Variants in CPT1A observed in about 807,000 individuals in gnomAD.
CPT1A encodes carnitine palmitoyltransferase 1A, also known as carnitine O-palmitoyltransferase 1, liver isoform.
A neutral mutation model predicts 100.8 loss-of-function variants in CPT1A; 64 were observed. The ratio of observed to expected loss-of-function variants is 0.63; its 90% confidence interval spans 0.52 to 0.78. The LOEUF (loss-of-function observed/expected upper bound fraction) is 0.78. Among genes scored for constraint, CPT1A ranks in the 30% least tolerant of loss-of-function variants. The pLI is 0.00. For missense variants in CPT1A, 802 were observed against 1,034.1 expected (o/e 0.78, Z 3.08); for synonymous variants, 363 against 396.0 (o/e 0.92, Z 0.99).
intron 1 of CPT1A, among the ~76,000 whole-genome samples, chr11:68,835,337 A>G (rs1372724052): frequency 6.6e-6 from 1 of 152,180 alleles, no homozygotes; most frequent in Non-Finnish European, 1.5e-5. Flanking sequence ...TCGTACCAGT[A>G]TATTGTTCCC....
chr11:68,777,396 C>T (rs1443461614), intron 12 of CPT1A, among the ~76,000 whole-genome samples: 1 of 152,064 alleles, frequency 6.6e-6, no homozygotes, highest in Non-Finnish European at 1.5e-5. Context: ...CACCACTGCC[C>T]TCCAGCCTGG....
chr11:68,812,203 G>A (rs1330189557), intron 3 of CPT1A, among the ~76,000 whole-genome samples: 1 of 152,146 alleles, frequency 6.6e-6, no homozygotes, highest in Non-Finnish European at 1.5e-5. Context: ...GGTGCCCCAG[G>A]GCCACTACCA....
At chr11:68,839,220 A>G (rs1017266879) in intron 1 of CPT1A, among the ~76,000 whole-genome samples, 1 of 152,244 alleles carries the variant, frequency 6.6e-6, no homozygotes, top group Non-Finnish European at 1.5e-5. Context: ...TGGCCCGCGC[A>G]GGCTCCGGTT....
Position 68,804,961 on chromosome 11 carries a change from C to A in CPT1A, c.454-860G>T, listed in dbSNP as rs1002089993. Among the ~76,000 whole-genome samples the A allele has an allele frequency of 7.9e-5, 12 of 152,342 alleles. 1 individual carries two copies. Among genetic ancestry groups the A allele is most frequent in the Admixed American group, 7.2e-4 (11 of 15,308 alleles). On this transcript the variant is annotated intron_variant, in intron 4 of 18. Coordinates refer to ENST00000265641, the MANE Select transcript of CPT1A (RefSeq NM_001876.4). ...AACCAAAACAAAGGCAGTCCTTGGG[C>A]CCAGGCGGGGAGTCTTGGTACTGCA...
intron 1 of CPT1A, among the ~76,000 whole-genome samples, chr11:68,825,151 G>A (rs1294384840): frequency 2.0e-5 from 3 of 152,148 alleles, no homozygotes; most frequent in Non-Finnish European, 4.4e-5. Flanking sequence ...AAAATGGAGG[G>A]ACGGGTAGGA....
At chr11:68,817,359 G>T (rs1856457419) in intron 1 of CPT1A, among the ~76,000 whole-genome samples, 1 of 152,152 alleles carries the variant, frequency 6.6e-6, no homozygotes, top group Non-Finnish European at 1.5e-5. Context: ...GCAGGCCCTA[G>T]AAAGGCACCC....
At chr11:68,784,378 T>C (rs1566357083) in intron 10 of CPT1A, among the ~76,000 whole-genome samples, 1 of 152,062 alleles carries the variant, frequency 6.6e-6, no homozygotes, top group Non-Finnish European at 1.5e-5. Flanking sequence ...CTGGCCAACA[T>C]GGTGAAACCC....
At chr11:68,759,738 GCAA>G in intron 17 of CPT1A, 77 bp from the exon 18 acceptor site, 1 of 1,080,940 alleles carries the variant, frequency 9.3e-7, no homozygotes, top group Non-Finnish European at 1.4e-6. Context: ...TGTTCTAAAT[GCAA>G]CACTGGCGGG....
intron 14 of CPT1A, among the ~76,000 whole-genome samples, chr11:68,769,980 C>T (rs1338286109): frequency 1.3e-5 from 2 of 151,264 alleles, no homozygotes; most frequent in South Asian, 2.1e-4. Context: ...ACCTGGGAGC[C>T]GAGTGAGCAG....
intron 1 of CPT1A, among the ~76,000 whole-genome samples, chr11:68,815,747 CCT>C: frequency 6.6e-6 from 1 of 152,118 alleles, no homozygotes; most frequent in African/African-American, 2.4e-5. Context: ...CAACCCTGGC[CCT>C]GGACATTCCC....
At chr11:68,796,707 C>T (rs1855762528) in intron 7 of CPT1A, 149 bp downstream of exon 7, 1 of 760,380 alleles carries the variant, frequency 1.3e-6, no homozygotes, top group South Asian at 1.6e-5. Flanking sequence ...TCATAGGGTT[C>T]TCCGGCCTGG....
At chr11:68,839,410 T>TCAG (rs1312029451) in intron 1 of CPT1A, 9 of 712,526 alleles carry the variant, frequency 1.3e-5, no homozygotes, top group Non-Finnish European at 1.2e-5. Flanking sequence ...AGGGGAAAGG[T>TCAG]CAGCAGCAGC....
intron 8 of CPT1A, among the ~76,000 whole-genome samples, chr11:68,793,830 G>A (rs987473971): frequency 1.6e-4 from 24 of 151,974 alleles, no homozygotes; most frequent in Non-Finnish European, 2.9e-4. Flanking sequence ...TTTTCTGTGC[G>A]AATTGCTTCG....
At chr11:68,806,742 C>G (rs2154000765) in intron 4 of CPT1A, among the ~76,000 whole-genome samples, 1 of 151,658 alleles carries the variant, frequency 6.6e-6, no homozygotes, top group East Asian at 2.0e-4. Flanking sequence ...CCAGCCTGAC[C>G]AACATGGTAA....
intron 17 of CPT1A, 96 bp from the exon 18 acceptor site, chr11:68,759,757 G>T: frequency 1.1e-6 from 1 of 925,314 alleles, no homozygotes; most frequent in Non-Finnish European, 1.8e-6. Flanking sequence ...GCGGGGCTCG[G>T]TGGCTTCTCC....
chr11:68,803,926 TTCA>T, intron 5 of CPT1A, 71 bp downstream of exon 5: 1 of 1,192,108 alleles, frequency 8.4e-7, no homozygotes, highest in Non-Finnish European at 1.3e-6. Flanking sequence ...GGTGACCTAG[TTCA>T]TCATAATTAA....
rs59753299 is a variant in CPT1A at position 68,803,712 on chromosome 11, A to AAAAATAAAAT, written c.555+278_555+287dup. ...GGTGACAGAGGGAGAGTCCATCACA[A>AAAAATAAAAT]AAAATAAAATAAAATAAAATAAAAT... is the stretch of plus-strand genomic sequence containing the variant. On this transcript the variant is annotated intron_variant, in intron 5 of 18. Coordinates refer to ENST00000265641, the MANE Select transcript of CPT1A (RefSeq NM_001876.4). 0.025 allele frequency among the ~76,000 whole-genome samples: 3,598 copies of AAAAATAAAAT among 143,716 alleles called. 136 individuals are homozygous for AAAAATAAAAT. Among genetic ancestry groups the AAAAATAAAAT allele is most frequent in the African/African-American group, 0.08 (2,973 of 37,360 alleles). 94.3% of individuals were successfully genotyped at this position (143,716 alleles called of 152,430 possible). A position where few individuals can be genotyped will look rare whatever the true frequency, so the allele number is the denominator to read the frequency against.
chr11:68,807,723 G>A (rs919607888), intron 3 of CPT1A, 85 bp from the exon 4 acceptor site: 5 of 1,348,294 alleles, frequency 3.7e-6, no homozygotes, highest in Admixed American at 1.9e-5. Context: ...CAGACACCAC[G>A]TGCTGCAGGG....
chr11:68,800,292 A>G (rs1351611303), intron 5 of CPT1A, among the ~76,000 whole-genome samples: 1 of 152,150 alleles, frequency 6.6e-6, no homozygotes, highest in Non-Finnish European at 1.5e-5. Flanking sequence ...ACAGAGAGCA[A>G]TTGTTTAAAA....
Sources: allele counts gnomAD v4.1 joint callset (sites outside exome capture counted in the v4.1 genomes callset), GRCh38; gene constraint gnomAD v4.1.1; transcripts MANE v1.5; gene names NCBI Gene and HGNC (gene_info 2026-07-23, HGNC 2026-07-21).